The following CELA2B variants were observed in gnomAD, a reference collection of about 807,000 sequenced individuals.
CELA2B encodes chymotrypsin like elastase 2B.
CELA2B carries 27 observed loss-of-function variants against 36.5 expected under a neutral mutation model. The observed-to-expected ratio is 0.74, with a 90% confidence interval of 0.55 to 1.02. The LOEUF (loss-of-function observed/expected upper bound fraction) is 1.02, where lower values mean the gene tolerates loss of function less well. Ranked by LOEUF, CELA2B falls within the 50% of genes least tolerant of loss-of-function variation. CELA2B has a pLI of 0.00. For missense variants in CELA2B, 340 were observed against 347.8 expected, an observed-to-expected ratio of 0.98 and a Z score of 0.18; for synonymous variants, 143 against 148.5, an observed-to-expected ratio of 0.96 and a Z score of 0.27.
chr1:15,490,958 G>A, intron 7 of CELA2B: 1 of 329,888 alleles, frequency 3.0e-6, no homozygotes, highest in South Asian at 3.9e-5. Flanking sequence ...CTTGCAAACA[G>A]CAGTTTTGAT....
chr1:15,476,933 G>C (rs1474747086), intron 2 of CELA2B, among the ~76,000 whole-genome samples: 1 of 152,136 alleles, frequency 6.6e-6, no homozygotes, highest in Admixed American at 6.6e-5. Context: ...AGTGAGCTGA[G>C]ATCGCACCAC....
At chr1:15,485,875 A>G in intron 5 of CELA2B, 26 bp from the exon 6 acceptor site, 1 of 1,613,238 alleles carries the variant, frequency 6.2e-7, no homozygotes, top group African/African-American at 1.3e-5. Flanking sequence ...CTGCGTCCCT[A>G]ATGGCTTCTC....
At chr1:15,483,096 C>T (rs1476896575) in intron 4 of CELA2B, among the ~76,000 whole-genome samples, 168 bp from the exon 5 acceptor site, 5 of 152,160 alleles carry the variant, frequency 3.3e-5, no homozygotes, top group African/African-American at 4.8e-5. Context: ...TACAGGCCAC[C>T]GTGACTGGCC....
intron 7 of CELA2B, among the ~76,000 whole-genome samples, chr1:15,489,125 C>G (rs1050985519): frequency 2.0e-5 from 3 of 152,210 alleles, no homozygotes; most frequent in African/African-American, 7.2e-5. Context: ...ATCCTAAGAC[C>G]GTTTTCCAGC....
intron 2 of CELA2B, among the ~76,000 whole-genome samples, chr1:15,478,771 T>C (rs1452639073): frequency 1.3e-5 from 2 of 151,658 alleles, no homozygotes; most frequent in East Asian, 3.9e-4. Flanking sequence ...TTCACCATGT[T>C]GGCCAGGCTT....
intron 7 of CELA2B, among the ~76,000 whole-genome samples, chr1:15,489,823 G>C (rs1439408493): frequency 1.3e-5 from 2 of 152,016 alleles, no homozygotes; most frequent in Non-Finnish European, 2.9e-5. Flanking sequence ...AAAAGTAGAA[G>C]TCCCCCCTCA....
chr1:15,488,871 T>C (rs532939508), intron 7 of CELA2B, among the ~76,000 whole-genome samples: 2 of 152,354 alleles, frequency 1.3e-5, no homozygotes, highest in Admixed American at 6.5e-5. Flanking sequence ...CAGCTCCTTG[T>C]TCATTTGTCT....
chr1:15,478,391 G>A (rs1173088153), intron 2 of CELA2B, among the ~76,000 whole-genome samples: 1 of 151,264 alleles, frequency 6.6e-6, no homozygotes. Context: ...TTACAGGCAC[G>A]CACCACCATG....
At chr1:15,481,034 G>T (rs1708735448) in intron 2 of CELA2B, 64 bp from the exon 3 acceptor site, 4 of 1,589,866 alleles carry the variant, frequency 2.5e-6, no homozygotes. Flanking sequence ...CCGTTCTTGG[G>T]AAACTGGAGT....
At chr1:15,476,198 C>T in intron 1 of CELA2B, 33 bp downstream of exon 1, 1 of 1,613,886 alleles carries the variant, frequency 6.2e-7, no homozygotes, top group Non-Finnish European at 8.5e-7. Flanking sequence ...ACTGGTTTCC[C>T]ATCCCCTGGT....
intron 5 of CELA2B, 82 bp from the exon 6 acceptor site, chr1:15,485,817 CAG>C (rs1217524798): frequency 1.9e-5 from 29 of 1,513,168 alleles, no homozygotes; most frequent in Middle Eastern, 4.5e-4. Context: ...AAGATGGTAA[CAG>C]GGGAAATCCA....
Position 15,482,380 on chromosome 1 carries a change from C to G in CELA2B, c.343C>G (p.Gln115Glu). Reference sequence around the variant, plus strand: ...GGTGCACAAGGACTGGAACTCCGACCAGGTCTCCAAAGGGTTCGTTTCTAT... The same window carrying G: ...GGTGCACAAGGACTGGAACTCCGACGAGGTCTCCAAAGGGTTCGTTTCTAT... ...IVVHKDWNSD[Q>E]VSKGNDIALL... The change falls in exon 4 of 8, where the codon CAG (glutamine) becomes GAG (glutamate). Residue 115 changes from glutamine to glutamate, a missense_variant. Coordinates refer to ENST00000375910, the MANE Select transcript of CELA2B (RefSeq NM_015849.3). 1 of 1,614,080 alleles carries G rather than the reference C, an allele frequency of 6.2e-7. No individual in the cohort carries two copies. The highest frequency in any genetic ancestry group is 8.5e-7 in the Non-Finnish European group (1 of 1,179,976).
rs1274845361 is a variant in CELA2B, at chr1:15,481,041, G to A, written c.130-57G>A. On this transcript the variant is annotated intron_variant, in intron 2 of 7. Coordinates refer to ENST00000375910, the MANE Select transcript of CELA2B (RefSeq NM_015849.3). ...TCCCAGCCCCGTTCTTGGGAAACTG[G>A]AGTGCAGGGAGGCCCTGCTTTTTCA... The A allele has an allele frequency of 1.9e-6, 3 of 1,593,018 alleles. No individual in the cohort carries two copies. In the African/African-American group the frequency reaches 4.0e-5, roughly 21 times the overall value.
At chr1:15,483,240 T>C (rs763455582) in intron 4 of CELA2B, 24 bp from the exon 5 acceptor site, 2 of 1,613,098 alleles carry the variant, frequency 1.2e-6, no homozygotes, top group Admixed American at 1.7e-5. Context: ...CCTGTTCTCA[T>C]GCTCCGCCTC....
In CELA2B at chr1:15,481,094, C is replaced by T; in HGVS notation, c.130-4C>T. 1.2e-6 allele frequency: 2 copies of T among 1,612,154 alleles called. No homozygotes were observed. Among genetic ancestry groups the T allele is most frequent in the Non-Finnish European group, 1.7e-6 (2 of 1,179,848 alleles). ...CACAGCCACAGACCTGTGTTTCTCCCCAGGTCTCCCTGCAGTACAGCTCCA... is the reference window on the plus strand; with the variant it reads ...CACAGCCACAGACCTGTGTTTCTCCTCAGGTCTCCCTGCAGTACAGCTCCA... On this transcript the variant is annotated splice_polypyrimidine_tract_variant and splice_region_variant and intron_variant, in intron 2 of 7. Transcript: ENST00000375910.
At chr1:15,481,823 A>G (rs1708744962) in intron 3 of CELA2B, 1 of 465,242 alleles carries the variant, frequency 2.1e-6, no homozygotes, top group Admixed American at 2.4e-5. Flanking sequence ...GGTGATGGGG[A>G]TACTAATAGA....
At chr1:15,476,648 T>C (rs951773287) in intron 2 of CELA2B, 103 bp downstream of exon 2, 1 of 1,116,866 alleles carries the variant, frequency 9.0e-7, no homozygotes, top group Admixed American at 1.8e-5. Flanking sequence ...AAAGTTAGGA[T>C]TGATGGGATT....
intron 2 of CELA2B, 74 bp from the exon 3 acceptor site, chr1:15,481,024 C>A: frequency 1.3e-6 from 2 of 1,560,350 alleles, no homozygotes; most frequent in Non-Finnish European, 8.8e-7. Flanking sequence ...TGTCCCAGCC[C>A]CGTTCTTGGG....
At chr1:15,476,201 C>A (rs375665242) in intron 1 of CELA2B, 36 bp downstream of exon 1, 1 of 1,613,694 alleles carries the variant, frequency 6.2e-7, no homozygotes, top group Non-Finnish European at 8.5e-7. Context: ...GGTTTCCCAT[C>A]CCCTGGTGGG....
Sources: allele counts gnomAD v4.1 joint callset (sites outside exome capture counted in the v4.1 genomes callset), GRCh38; gene constraint gnomAD v4.1.1; transcripts MANE v1.5; gene names NCBI Gene and HGNC (gene_info 2026-07-23, HGNC 2026-07-21).